PRKCQ: variants seen among roughly 807,000 people sequenced by gnomAD.
PRKCQ encodes protein kinase C theta.
PRKCQ carries 41 observed loss-of-function variants against 91.2 expected under a neutral mutation model. That is an observed-to-expected ratio of 0.45 (90% CI 0.35 to 0.58). The LOEUF is 0.58. Ranked by LOEUF, PRKCQ falls within the 20% of genes least tolerant of loss-of-function variation. PRKCQ has a pLI of 0.00. For missense variants in PRKCQ, 673 were observed against 896.5 expected (o/e 0.75, Z 3.18); for synonymous variants, 307 against 316.9 (o/e 0.97, Z 0.33).
intron 16 of PRKCQ, among the ~76,000 whole-genome samples, chr10:6,435,145 A>G (rs1833637460): frequency 6.6e-6 from 1 of 152,214 alleles, no homozygotes; most frequent in Middle Eastern, 3.2e-3. Flanking sequence ...TCAACTGGAC[A>G]GCAGTGTCCC....
At chr10:6,404,417 TTTTTCTCTTTCTTTC>T in the PRKCQ span, among the ~76,000 whole-genome samples, 1 of 148,730 alleles carries the variant, frequency 6.7e-6, no homozygotes. Flanking sequence ...CTTTCTTTCT[TTTTTCTCTTTCTTTC>T]TCTCTTTCTT....
chr10:6,526,339 C>T (rs1322725022), intron 1 of PRKCQ, among the ~76,000 whole-genome samples: 1 of 152,180 alleles, frequency 6.6e-6, no homozygotes, highest in Non-Finnish European at 1.5e-5. Flanking sequence ...TCTTAGGACA[C>T]TGCAGTCAGC....
chr10:6,515,180 C>A, intron 1 of PRKCQ, 36 bp from the exon 2 acceptor site: 1 of 1,609,394 alleles, frequency 6.2e-7, no homozygotes, highest in Non-Finnish European at 8.5e-7. Context: ...TGTTTGGGGG[C>A]TATAAAAGAT....
downstream of PRKCQ, among the ~76,000 whole-genome samples, chr10:6,424,077 C>T (rs1312704925): frequency 2.6e-5 from 4 of 152,092 alleles, no homozygotes; most frequent in Non-Finnish European, 5.9e-5. Context: ...CACTGTCACT[C>T]TAGGGCTTGT....
intron 4 of PRKCQ, among the ~76,000 whole-genome samples, chr10:6,505,487 TTCCC>T (rs71391843): frequency 9.2e-4 from 136 of 148,322 alleles, no homozygotes; most frequent in African/African-American, 3.1e-3. Context: ...CCTTCCTTCC[TTCCC>T]TCCCTCCCTC....
intron 1 of PRKCQ, among the ~76,000 whole-genome samples, chr10:6,517,081 T>C (rs1319429133): frequency 1.3e-5 from 2 of 152,168 alleles, no homozygotes; most frequent in Admixed American, 1.3e-4. Flanking sequence ...GAATAGGTAT[T>C]TGTGTGGTAA....
chr10:6,440,483 G>A (rs370225435), intron 16 of PRKCQ, among the ~76,000 whole-genome samples: 4 of 152,276 alleles, frequency 2.6e-5, no homozygotes, highest in Non-Finnish European at 5.9e-5. Flanking sequence ...GCTGCCAGCC[G>A]AATAAGAACT....
chr10:6,396,668 T>C, the PRKCQ span, among the ~76,000 whole-genome samples: 1 of 152,366 alleles, frequency 6.6e-6, no homozygotes, highest in African/African-American at 2.4e-5. Flanking sequence ...GGCACTACAT[T>C]TGTCTATCCA....
chr10:6,443,112 C>A (rs908618366), intron 15 of PRKCQ, among the ~76,000 whole-genome samples: 3 of 152,160 alleles, frequency 2.0e-5, no homozygotes, highest in Non-Finnish European at 2.9e-5. Context: ...GATTCCTATC[C>A]TTTCACCAAC....
the PRKCQ span, among the ~76,000 whole-genome samples, chr10:6,408,154 G>A: frequency 1.4e-5 from 2 of 143,278 alleles, no homozygotes; most frequent in African/African-American, 5.2e-5. Context: ...TGGACCTATA[G>A]TTTTATCTCC....
chr10:6,491,590 A>T, intron 8 of PRKCQ, 93 bp downstream of exon 8: 1 of 1,512,942 alleles, frequency 6.6e-7, no homozygotes. Context: ...TGGAAGTGGT[A>T]CCCCCTACAT....
At chr10:6,533,538 T>C (rs745597243) in intron 1 of PRKCQ, among the ~76,000 whole-genome samples, 3 of 152,174 alleles carry the variant, frequency 2.0e-5, no homozygotes, top group Non-Finnish European at 4.4e-5. Flanking sequence ...GATAATGAGA[T>C]GGATCCACCA....
chr10:6,487,017 C>T (rs1353555344), intron 8 of PRKCQ, among the ~76,000 whole-genome samples: 6 of 152,140 alleles, frequency 3.9e-5, no homozygotes, highest in East Asian at 1.9e-4. Context: ...ACTCTACACA[C>T]GGTGTGGAAA....
At chr10:6,446,450 C>T (rs766823510) in intron 15 of PRKCQ, among the ~76,000 whole-genome samples, 5 of 150,064 alleles carry the variant, frequency 3.3e-5, no homozygotes, top group Non-Finnish European at 7.4e-5. Context: ...ACTGCAACCT[C>T]CGCCTCCCAA....
chr10:6,463,195 T>C (rs1012186360), intron 13 of PRKCQ, among the ~76,000 whole-genome samples: 3 of 152,178 alleles, frequency 2.0e-5, no homozygotes, highest in Non-Finnish European at 4.4e-5. Context: ...TATTAGCAGA[T>C]GCAAGATAAG....
chr10:6,539,499 C>T (rs906645495), intron 1 of PRKCQ, among the ~76,000 whole-genome samples: 4 of 151,824 alleles, frequency 2.6e-5, no homozygotes, highest in Non-Finnish European at 4.4e-5. Flanking sequence ...TGCCTGAGGA[C>T]CTGTCACTGT....
At chr10:6,467,216 A>C (rs1053813446) in intron 12 of PRKCQ, among the ~76,000 whole-genome samples, 1 of 152,056 alleles carries the variant, frequency 6.6e-6, no homozygotes, top group Non-Finnish European at 1.5e-5. Context: ...TCTCGAAAGA[A>C]AGAAGAAAAC....
At chr10:6,544,194 C>T (rs1340985050) in intron 1 of PRKCQ, among the ~76,000 whole-genome samples, 1 of 152,118 alleles carries the variant, frequency 6.6e-6, no homozygotes, top group Non-Finnish European at 1.5e-5. Flanking sequence ...GAAAATCAAC[C>T]TGAAGGAAGT....
At chr10:6,482,406 G>C (rs1432147510) in intron 11 of PRKCQ, among the ~76,000 whole-genome samples, 1 of 152,122 alleles carries the variant, frequency 6.6e-6, no homozygotes, top group Admixed American at 6.5e-5. Flanking sequence ...GACCAGCCTG[G>C]GCAACACAGT....
Sources: gnomAD v4.1 joint callset for allele counts (sites outside exome capture counted in the v4.1 genomes callset) on GRCh38, gnomAD v4.1.1 for gene constraint, MANE v1.5 for transcripts, NCBI Gene and HGNC (gene_info 2026-07-23, HGNC 2026-07-21) for gene names.